The following ALK variants were observed in gnomAD, a reference collection of about 807,000 sequenced individuals.
ALK encodes ALK tyrosine kinase receptor.
A neutral mutation model predicts 163.1 loss-of-function variants in ALK; 74 were observed. The ratio of observed to expected loss-of-function variants is 0.45; its 90% CI spans 0.38 to 0.55. The LOEUF is 0.55. Among genes scored for constraint, ALK ranks in the 20% least tolerant of loss-of-function variants. The pLI is 0.00. For synonymous variants in ALK, 960 were observed against 843.2 expected, an observed-to-expected ratio of 1.14 and a Z score of -2.40; for missense variants, 2,063 against 2,105.3, an observed-to-expected ratio of 0.98 and a Z score of 0.39.
At chr2:29,708,530 C>T (rs1226741248) in intron 2 of ALK, among the ~76,000 whole-genome samples, 18 of 152,194 alleles carry the variant, frequency 1.2e-4, no homozygotes, top group Admixed American at 1.1e-3. Flanking sequence ...TGTTCATCTA[C>T]ACCAGGAAGG....
chr2:29,664,654 G>T (rs1240986264), intron 3 of ALK, among the ~76,000 whole-genome samples: 1 of 152,082 alleles, frequency 6.6e-6, no homozygotes, highest in African/African-American at 2.4e-5. Context: ...TCACAAGCTG[G>T]TTCTAAACCT....
intron 3 of ALK, among the ~76,000 whole-genome samples, chr2:29,588,783 G>C (rs1472528147): frequency 6.6e-6 from 1 of 152,156 alleles, no homozygotes; most frequent in East Asian, 1.9e-4. Context: ...ACAGACATTT[G>C]AATTTCATAT....
chr2:29,300,217 A>T (rs1573206575), intron 8 of ALK, among the ~76,000 whole-genome samples: 1 of 13,372 alleles, frequency 7.5e-5, no homozygotes, highest in Non-Finnish European at 4.3e-4. Context: ...GAGATGCCCA[A>T]GAGTGGAGGA....
chr2:29,626,547 G>C (rs1345135376), intron 3 of ALK, among the ~76,000 whole-genome samples: 4 of 152,088 alleles, frequency 2.6e-5, no homozygotes, highest in African/African-American at 4.8e-5. Context: ...ACCCAGTCTT[G>C]GGTATGTTTT....
At chr2:29,481,912 T>G (rs1307267579) in intron 4 of ALK, among the ~76,000 whole-genome samples, 1 of 152,214 alleles carries the variant, frequency 6.6e-6, no homozygotes, top group African/African-American at 2.4e-5. Flanking sequence ...TAAGCCTCAA[T>G]TCTTCCCACA....
chr2:29,913,502 T>G (rs1192672165), intron 1 of ALK, among the ~76,000 whole-genome samples: 1 of 152,152 alleles, frequency 6.6e-6, no homozygotes, highest in Non-Finnish European at 1.5e-5. Flanking sequence ...ACACAATGGC[T>G]GTAAAGAAGA....
intron 1 of ALK, among the ~76,000 whole-genome samples, chr2:29,814,591 CA>C (rs981097722): frequency 4.0e-4 from 61 of 151,654 alleles, no homozygotes; most frequent in African/African-American, 1.5e-3. Flanking sequence ...ACCCGGGAGG[CA>C]GAGCTTGCAG....
At chr2:29,550,032 T>C (rs1673674157) in intron 3 of ALK, among the ~76,000 whole-genome samples, 1 of 152,198 alleles carries the variant, frequency 6.6e-6, no homozygotes, top group South Asian at 2.1e-4. Flanking sequence ...TCTATGGCTC[T>C]TCCCGCTAAA....
At chr2:29,722,940 C>A (rs998104037) in intron 1 of ALK, among the ~76,000 whole-genome samples, 5 of 152,274 alleles carry the variant, frequency 3.3e-5, no homozygotes, top group South Asian at 4.2e-4. Context: ...TTTATTCACA[C>A]CCCACATCAA....
intron 11 of ALK, among the ~76,000 whole-genome samples, chr2:29,257,634 CTGTG>C (rs1664983996): frequency 1.3e-5 from 2 of 152,174 alleles, no homozygotes; most frequent in Admixed American, 1.3e-4. Context: ...GTTTGGAGGC[CTGTG>C]TGTATTGTAC....
At chr2:29,522,342 T>C (rs1408982275) in intron 4 of ALK, among the ~76,000 whole-genome samples, 1 of 152,186 alleles carries the variant, frequency 6.6e-6, no homozygotes, top group Non-Finnish European at 1.5e-5. Context: ...TGCAAAGCAC[T>C]TAGAACAATG....
chr2:29,264,358 C>G (rs867276912), intron 11 of ALK, among the ~76,000 whole-genome samples: 1 of 152,214 alleles, frequency 6.6e-6, no homozygotes, highest in Non-Finnish European at 1.5e-5. Flanking sequence ...CTTGAAGGAA[C>G]CTGAAGTTTT....
intron 1 of ALK, among the ~76,000 whole-genome samples, chr2:29,783,321 C>CT (rs1442184434): frequency 1.3e-5 from 2 of 152,122 alleles, no homozygotes; most frequent in African/African-American, 4.8e-5. Flanking sequence ...CTGAAAGGGC[C>CT]TAGGCAACAA....
Position 29,193,269 on chromosome 2 carries a change from A to T in ALK, c.4818T>A (p.Asp1606Glu), listed in dbSNP as rs1455937166. 2 of 1,614,162 alleles carry T rather than the reference A, an allele frequency of 1.2e-6. No individual in the cohort carries two copies. Among genetic ancestry groups the T allele is most frequent in the Non-Finnish European group, 1.7e-6 (2 of 1,180,010 alleles). ...TGCTATTCTTGCTTTTCAGAATGGT[A>T]TCCTCGTAATGACCAGCTCCAGGGG... ...ATAPGAGHYEDTILKSKNSMN... is the reference protein window; with the variant it reads ...ATAPGAGHYEETILKSKNSMN... Residue 1606 changes from aspartate (D) to glutamate (E), a missense_variant, in exon 29 of 29, where the codon GAT (aspartate) becomes GAA (glutamate). By Grantham distance (45) the Asp-to-Glu change is conservative. Coordinates refer to ENST00000389048, the MANE Select transcript of ALK (RefSeq NM_004304.5).
At chr2:29,275,671 G>A (rs1298857807) in intron 9 of ALK, among the ~76,000 whole-genome samples, 175 bp from the exon 10 acceptor site, 2 of 152,184 alleles carry the variant, frequency 1.3e-5, no homozygotes, top group Non-Finnish European at 2.9e-5. Context: ...CTTCTGCAAT[G>A]CAGAGCACTT....
intron 4 of ALK, among the ~76,000 whole-genome samples, chr2:29,396,607 G>C (rs565906790): frequency 6.4e-4 from 98 of 152,218 alleles, no homozygotes; most frequent in Non-Finnish European, 1.1e-3. Flanking sequence ...CCAGGAGGCT[G>C]AGAGTTACAG....
At position 29,920,422 on chromosome 2, in the gene ALK, G is replaced by T; in HGVS notation, c.238C>A (p.Leu80Met). Residue 80 changes from leucine (L) to methionine (M), a missense_variant, in exon 1 of 29, where the codon CTG becomes ATG. By Grantham distance (15) the Leu-to-Met change is conservative (BLOSUM62 2). Transcript: ENST00000389048. Reference sequence around the variant, plus strand: ...CGGGCCTCGGGCCTGCCAGCCTTCAGCTCCGAGGAGGATGGTGGCAGCAGT... The same window carrying T: ...CGGGCCTCGGGCCTGCCAGCCTTCATCTCCGAGGAGGATGGTGGCAGCAGT... ...DLLLPPSSSE[L>M]KAGRPEARGS... 1 of 1,600,140 alleles carries T rather than the reference G, an allele frequency of 6.2e-7. No individual in the cohort carries two copies. Among genetic ancestry groups the T allele is most frequent in the Non-Finnish European group, 8.5e-7 (1 of 1,173,874 alleles).
chr2:29,881,237 G>C (rs975200254), intron 1 of ALK, among the ~76,000 whole-genome samples: 5 of 152,210 alleles, frequency 3.3e-5, no homozygotes, highest in African/African-American at 1.2e-4. Flanking sequence ...CAAAGTTCCA[G>C]GGCCACTAAG....
chr2:29,300,446 G>A (rs1666335748), intron 8 of ALK, among the ~76,000 whole-genome samples: 1 of 151,616 alleles, frequency 6.6e-6, no homozygotes, highest in South Asian at 2.1e-4. Flanking sequence ...CTACTCAGGA[G>A]GCTGAGGCTG....
Sources: allele counts gnomAD v4.1 joint callset (sites outside exome capture counted in the v4.1 genomes callset), GRCh38; gene constraint gnomAD v4.1.1; transcripts MANE v1.5; gene names NCBI Gene and HGNC (gene_info 2026-07-23, HGNC 2026-07-21).